The following AUTS2 variants were observed in gnomAD, a reference collection of about 807,000 sequenced individuals.
AUTS2 encodes the protein autism susceptibility gene 2 protein.
Under a neutral mutation model 112.4 loss-of-function variants are expected in AUTS2, and 17 were observed. That is an observed-to-expected ratio of 0.15 (90% confidence interval 0.10 to 0.23). AUTS2 has a LOEUF of 0.23. Ranked by LOEUF, AUTS2 falls within the 10% of genes least tolerant of loss-of-function variation. AUTS2 has a pLI of 1.00. For synonymous variants in AUTS2, 751 were observed against 702.7 expected, an observed-to-expected ratio of 1.07 and a Z score of -1.09; for missense variants, 1,510 against 1,701.6, an observed-to-expected ratio of 0.89 and a Z score of 1.98.
chr7:70,663,396 T>C (rs1353519634), intron 5 of AUTS2, among the ~76,000 whole-genome samples: 1 of 152,062 alleles, frequency 6.6e-6, no homozygotes, highest in Non-Finnish European at 1.5e-5. Context: ...GACTCTGTCT[T>C]TTAAAAAAGA....
intron 2 of AUTS2, among the ~76,000 whole-genome samples, chr7:70,099,633 G>C (rs1804382897): frequency 2.0e-5 from 3 of 151,926 alleles, no homozygotes; most frequent in African/African-American, 7.3e-5. Context: ...ATTGAGCTCT[G>C]TGGCATTTTT....
At chr7:70,679,862 T>C (rs10234816) in intron 5 of AUTS2, among the ~76,000 whole-genome samples, 35,009 of 151,992 alleles carry the variant, frequency 0.23, 4,514 homozygotes, top group African/African-American at 0.34. Flanking sequence ...CCTTCCCTTG[T>C]GGATTTCAGA....
intron 5 of AUTS2, among the ~76,000 whole-genome samples, chr7:70,567,648 G>A (rs1801760612): frequency 6.6e-6 from 1 of 152,148 alleles, no homozygotes. Flanking sequence ...CCACTCTCTG[G>A]GCAGTACACA....
At chr7:70,447,160 A>G (rs1401448418) in intron 5 of AUTS2, among the ~76,000 whole-genome samples, 2 of 152,242 alleles carry the variant, frequency 1.3e-5, no homozygotes, top group African/African-American at 2.4e-5. Context: ...ACCCACGTCC[A>G]GCCATGTAGC....
chr7:70,033,916 G>A (rs534901957), intron 2 of AUTS2, among the ~76,000 whole-genome samples: 1 of 152,224 alleles, frequency 6.6e-6, no homozygotes, highest in South Asian at 2.1e-4. Context: ...GGTGAACACC[G>A]TTAATCTTTT....
intron 5 of AUTS2, among the ~76,000 whole-genome samples, chr7:70,696,279 C>A (rs1249824594): frequency 6.6e-6 from 1 of 152,138 alleles, no homozygotes; most frequent in Non-Finnish European, 1.5e-5. Context: ...ACAGTTGTAA[C>A]CACCTGGATA....
intron 1 of AUTS2, among the ~76,000 whole-genome samples, chr7:69,729,217 G>T (rs1038099028): frequency 6.6e-6 from 1 of 151,946 alleles, no homozygotes; most frequent in African/African-American, 2.4e-5. Flanking sequence ...ACATATGTAT[G>T]CTCTTTCAAG....
At chr7:70,282,977 G>A (rs1788291601) in intron 4 of AUTS2, among the ~76,000 whole-genome samples, 1 of 152,142 alleles carries the variant, frequency 6.6e-6, no homozygotes, top group East Asian at 1.9e-4. Context: ...AGCTAACATA[G>A]CAGCTTCTAT....
At chr7:70,288,255 A>G (rs995363932) in intron 4 of AUTS2, among the ~76,000 whole-genome samples, 1 of 152,190 alleles carries the variant, frequency 6.6e-6, no homozygotes, top group Non-Finnish European at 1.5e-5. Context: ...AAAAAAAATT[A>G]GCCAGGCATG....
At chr7:70,102,685 A>G (rs1804562963) in intron 2 of AUTS2, among the ~76,000 whole-genome samples, 1 of 152,174 alleles carries the variant, frequency 6.6e-6, no homozygotes, top group Non-Finnish European at 1.5e-5. Context: ...CAAGTCAGAC[A>G]GCAATTTCAT....
chr7:70,423,518 G>A (rs1201157191), intron 4 of AUTS2, among the ~76,000 whole-genome samples: 2 of 152,120 alleles, frequency 1.3e-5, no homozygotes, highest in Non-Finnish European at 2.9e-5. Context: ...TATGCACTAT[G>A]CATAGCATAA....
intron 2 of AUTS2, among the ~76,000 whole-genome samples, chr7:70,024,098 A>G (rs1453615115): frequency 6.6e-6 from 1 of 152,196 alleles, no homozygotes; most frequent in Non-Finnish European, 1.5e-5. Context: ...AACAGATCAG[A>G]ATACTTTTAT....
chr7:69,745,418 T>C (rs183635785), intron 1 of AUTS2, among the ~76,000 whole-genome samples: 1 of 152,328 alleles, frequency 6.6e-6, no homozygotes, highest in Non-Finnish European at 1.5e-5. Flanking sequence ...TTTTATGTTA[T>C]CAGAGCCTAG....
intron 5 of AUTS2, among the ~76,000 whole-genome samples, chr7:70,513,961 C>A (rs1389159065): frequency 6.6e-6 from 1 of 152,126 alleles, no homozygotes; most frequent in Non-Finnish European, 1.5e-5. Flanking sequence ...TGCCTGGCCC[C>A]TTTCTTTTAA....
intron 5 of AUTS2, among the ~76,000 whole-genome samples, chr7:70,679,364 C>T (rs1044061538): frequency 1.3e-5 from 2 of 152,194 alleles, no homozygotes; most frequent in African/African-American, 4.8e-5. Context: ...GAACTGGAGA[C>T]AGCTGGTGCT....
chr7:70,332,356 A>G (rs1790792548), intron 4 of AUTS2, among the ~76,000 whole-genome samples: 1 of 152,242 alleles, frequency 6.6e-6, no homozygotes, highest in African/African-American at 2.4e-5. Context: ...ATGGATAGGA[A>G]GAATCAATAT....
chr7:70,626,066 C>T (rs2129537512), intron 5 of AUTS2, among the ~76,000 whole-genome samples: 1 of 152,056 alleles, frequency 6.6e-6, no homozygotes, highest in Admixed American at 6.5e-5. Flanking sequence ...GCACACACTA[C>T]CACACCCAGC....
intron 1 of AUTS2, among the ~76,000 whole-genome samples, chr7:69,716,577 A>G (rs1478870328): frequency 1.3e-5 from 2 of 152,102 alleles, no homozygotes; most frequent in African/African-American, 4.8e-5. Flanking sequence ...GAAGACATCA[A>G]TTAATTAGCT....
intron 15 of AUTS2, 170 bp downstream of exon 15, chr7:70,781,926 T>TTGA (rs1218117495): frequency 3.2e-5 from 24 of 740,946 alleles, no homozygotes; most frequent in Non-Finnish European, 4.3e-6. Flanking sequence ...GGAATCTTCA[T>TTGA]TGATACACTC....
Sources: allele counts gnomAD v4.1 joint callset (sites outside exome capture counted in the v4.1 genomes callset), GRCh38; gene constraint gnomAD v4.1.1; transcripts MANE v1.5; gene names NCBI Gene and HGNC (gene_info 2026-07-23, HGNC 2026-07-21).